MBD6: variants seen among roughly 807,000 people sequenced by gnomAD.
The protein encoded by MBD6 is methyl-CpG-binding domain protein 6.
MBD6 carries 22 observed loss-of-function variants against 66.8 expected under a neutral mutation model. The observed-to-expected ratio is 0.33, with a 90% CI of 0.24 to 0.47. MBD6 has a LOEUF of 0.47. Among genes scored for constraint, MBD6 ranks in the 20% least tolerant of loss-of-function variants. The pLI, the probability that MBD6 is intolerant of heterozygous loss-of-function variation, is 1.00. For missense variants in MBD6, 1,322 were observed against 1,286.9 expected (o/e 1.03, Z -0.42); for synonymous variants, 540 against 534.6 (o/e 1.01, Z -0.14).
Position 57,525,536 on chromosome 12 carries a change from G to C in MBD6, c.568G>C (p.Ala190Pro). Residue 190 changes from alanine to proline, a missense_variant, in exon 6 of 13, where the codon GCT becomes CCT. Coordinates refer to ENST00000355673, the MANE Select transcript of MBD6 (RefSeq NM_052897.4). ...TGGGGGGCTTTTCCCCCCAAGGCTT[G>C]CTGACCCAGTCCCTTCTGGGGGCAG... is the stretch of plus-strand genomic sequence containing the variant. The part of the protein sequence containing the change: ...GPGGLFPPRL[A>P]DPVPSGGSSS... The C allele has an allele frequency of 6.3e-7, 1 of 1,598,084 alleles. No individual in the cohort carries two copies. Among genetic ancestry groups the C allele is most frequent in the Non-Finnish European group, 8.5e-7 (1 of 1,172,332 alleles).
At position 57,526,008 on chromosome 12, in the gene MBD6, G is replaced by T; in HGVS notation, c.1040G>T (p.Arg347Leu). The T allele has an allele frequency of 1.2e-6, 2 of 1,610,546 alleles. No homozygotes were observed. Among genetic ancestry groups the T allele is most frequent in the Non-Finnish European group, 1.7e-6 (2 of 1,179,428 alleles). Reference sequence around the variant, plus strand: ...AGCACTTTACAGGGCCGAAGGCCCCGTGCCCAGGCACCCTCAGCTTCCCAC... The same window carrying T: ...AGCACTTTACAGGGCCGAAGGCCCCTTGCCCAGGCACCCTCAGCTTCCCAC... ...PPSTLQGRRP[R>L]AQAPSASHSS... The change falls in exon 6 of 13, where the codon CGT becomes CTT. Residue 347 changes from arginine (R) to leucine (L), a missense_variant. Transcript: ENST00000355673.
At position 57,529,046 on chromosome 12, in the gene MBD6, G is replaced by A. The variant is rs367618549; in HGVS notation, c.2937+37G>A. On this transcript the variant is annotated intron_variant, in intron 12 of 12. Coordinates refer to ENST00000355673, the MANE Select transcript of MBD6 (RefSeq NM_052897.4). Reference sequence around the variant, plus strand: ...TTTGGGTGGATGGGTGGATGGGTAGGGTGTAAGGGATGAGGCGGCAGGAGG... The same window carrying A: ...TTTGGGTGGATGGGTGGATGGGTAGAGTGTAAGGGATGAGGCGGCAGGAGG... The A allele has an allele frequency of 1.9e-6, 3 of 1,613,784 alleles. No homozygotes were observed. In the African/African-American group the frequency reaches 4.0e-5, roughly 22 times the overall value.
chr12:57,528,203 C>G lies in MBD6; in HGVS notation c.2463C>G (p.Ala821=), dbSNP rs978004724. The G allele has an allele frequency of 2.5e-6, 4 of 1,611,868 alleles. No homozygotes were observed. Among genetic ancestry groups the G allele is most frequent in the Non-Finnish European group, 3.4e-6 (4 of 1,179,346 alleles). ...PCLPPESPAS[A]LEPEPARPPL... is the part of the protein sequence containing the mutation. ...TACCCCCCGAGAGCCCTGCCTCAGC[C>G]CTCGAACCAGAGCCTGCCAGGCCTC... The change falls in exon 10 of 13, where the codon GCC becomes GCG. Residue 821 remains alanine (A), a synonymous_variant. Coordinates refer to ENST00000355673, the MANE Select transcript of MBD6 (RefSeq NM_052897.4).
In MBD6 at chr12:57,526,954, T is replaced by A; in HGVS notation, c.1809T>A (p.Leu603=). Residue 603 remains leucine, a synonymous_variant, in exon 7 of 13, where the codon CTT becomes CTA. Transcript: ENST00000355673. The part of the protein sequence containing the change: ...EGPSLLVASL[L]PPPPSDLLPP... ...CTTCGCTTTTGGTGGCTTCCTTGCT[T>A]CCTCCACCACCCTCAGACCTTCTTC... 1 of 1,613,696 alleles carries A rather than the reference T, an allele frequency of 6.2e-7. No individual in the cohort carries two copies. The highest frequency in any genetic ancestry group is 1.1e-5 in the South Asian group (1 of 91,074).
At position 57,529,342 on chromosome 12, in the gene MBD6, C is replaced by T; in HGVS notation, c.*108C>T. On this transcript the variant is annotated 3_prime_UTR_variant, in exon 13 of 13. Coordinates refer to ENST00000355673, the MANE Select transcript of MBD6 (RefSeq NM_052897.4). ...CTGTGGACAGTGGGTGGGGGCACTA[C>T]TCCCCACTCAGAGCACAAATGCAAC... 9.4e-7 allele frequency: 1 copy of T among 1,063,930 alleles called. No homozygotes were observed. The highest frequency in any genetic ancestry group is 2.0e-5 in the Admixed American group (1 of 49,114). The allele number at this position is 1,063,930 out of a possible 1,614,324, so 65.9% of individuals were successfully genotyped here.
chr12:57,525,268 T>C (rs1003363708), intron 5 of MBD6, 80 bp from the exon 6 acceptor site: 7 of 1,484,996 alleles, frequency 4.7e-6, no homozygotes, highest in African/African-American at 2.8e-5. Context: ...TGGGAACTTG[T>C]GGGAGATGGG....
Position 57,528,315 on chromosome 12 carries a change from C to T in MBD6, c.2575C>T (p.Arg859Trp), listed in dbSNP as rs774714513. 19 of 1,607,384 alleles carry T rather than the reference C, an allele frequency of 1.2e-5. No individual in the cohort carries two copies. Among genetic ancestry groups the T allele is most frequent in the Admixed American group, 1.2e-4 (7 of 59,522 alleles). Residue 859 changes from arginine to tryptophan, a missense_variant, in exon 10 of 13, where the codon CGG becomes TGG. Arg to Trp is a moderately radical substitution (Grantham distance 101). Transcript: ENST00000355673. ...LTGRGSGKRGRRGGGGLRGIN... is the reference protein window; with the variant it reads ...LTGRGSGKRGWRGGGGLRGIN... ...TGGGAGGGGGTCAGGGAAACGGGGC[C>T]GGAGGGGAGGAGGGGGACTTAGGGG...
chr12:57,524,199 C>A, intron 2 of MBD6, 81 bp from the exon 3 acceptor site: 4 of 846,188 alleles, frequency 4.7e-6, no homozygotes, highest in African/African-American at 1.7e-5. Context: ...TCCCCACAAC[C>A]TTTGCCTTCC....
chr12:57,520,767 G>C (rs1431727622), upstream of MBD6: 1 of 275,818 alleles, frequency 3.6e-6, no homozygotes, highest in African/African-American at 2.2e-5. Flanking sequence ...GCGCGCGCGC[G>C]GAGGGGAGTG....
At position 57,528,368 on chromosome 12, in the gene MBD6, G is replaced by A. The variant is rs537877221; in HGVS notation, c.2628G>A (p.Arg876=). ...TTAATGGTGAGGCCAGGCCAGCCCG[G>A]GGCCGAAAGCCTGGCAGCCGGCGGG... ...RGINGEARPA[R]GRKPGSRREP... The change falls in exon 10 of 13, where the codon CGG becomes CGA. Residue 876 remains arginine (R), a synonymous_variant. Transcript: ENST00000355673. 1.2e-6 allele frequency: 2 copies of A among 1,612,592 alleles called. No individual in the cohort carries two copies. Among genetic ancestry groups the A allele is most frequent in the African/African-American group, 1.3e-5 (1 of 75,050 alleles).
rs758467521 is a variant in MBD6 at position 57,525,916 on chromosome 12, C to T, written c.948C>T (p.Pro316=). ...CCACGGTGGAGGGGCCTGGGGCACC[C>T]CCCTTCCTTGCTAGCAGCCTACTCT... The part of the protein sequence containing the change: ...GAPTVEGPGA[P]PFLASSLLSA... Residue 316 remains proline, a synonymous_variant, in exon 6 of 13, where the codon CCC becomes CCT. Transcript: ENST00000355673. 4 of 1,613,098 alleles carry T rather than the reference C, an allele frequency of 2.5e-6. No homozygotes were observed. In the South Asian group the frequency reaches 4.4e-5, roughly 18 times the overall value.
downstream of MBD6, chr12:57,530,823 A>C (rs1037206327): frequency 7.5e-6 from 11 of 1,472,046 alleles, no homozygotes; most frequent in Non-Finnish European, 1.0e-5. Context: ...CCAGTTGCTT[A>C]ACTGGATGAG....
chr12:57,530,177 AG>A (rs1324717741), downstream of MBD6: 2 of 152,568 alleles, frequency 1.3e-5, no homozygotes, highest in African/African-American at 4.8e-5. Context: ...TTTTTTATTT[AG>A]TTCTTTGGTA....
In MBD6 at chr12:57,527,883, C is replaced by T. The variant is rs1371968998; in HGVS notation, c.2272C>T (p.Leu758Phe). The change falls in exon 9 of 13, where the codon CTC becomes TTC. Residue 758 changes from leucine to phenylalanine, a missense_variant. Coordinates refer to ENST00000355673, the MANE Select transcript of MBD6 (RefSeq NM_052897.4). ...TTCACTGACCAGCAGCCCTGGAGCC[C>T]TCCCCAGCCTGTTGCAGCCTCCTGG... The part of the protein sequence containing the change: ...LSSLTSSPGA[L>F]PSLLQPPGPL... The T allele has an allele frequency of 1.2e-6, 2 of 1,613,886 alleles. No individual in the cohort carries two copies. The highest frequency in any genetic ancestry group is 1.7e-5 in the Admixed American group (1 of 60,012).
chr12:57,529,446 CG>C lies in MBD6; in HGVS notation c.*213del, dbSNP rs1378993023. ...CCCCCCCACCACCCCCCCGCCCCCC[CG>C]AAGCCATGTCACTGAAAAGGCCTGG... On this transcript the variant is annotated 3_prime_UTR_variant, in exon 13 of 13. Transcript: ENST00000355673. The C allele has an allele frequency of 9.0e-6, 5 of 554,656 alleles. No individual in the cohort carries two copies. In the East Asian group the frequency reaches 9.0e-5, roughly 10 times the overall value. The allele number at this position is 554,656 out of a possible 1,614,324, so 34.4% of individuals were successfully genotyped here.
rs141854419 is a variant in MBD6, at chr12:57,529,196, C to T, written c.2974C>T (p.Arg992Cys). The T allele has an allele frequency of 2.7e-4, 442 of 1,614,076 alleles. 1 individual carries two copies. Among genetic ancestry groups the T allele is most frequent in the Non-Finnish European group, 9.9e-5 (117 of 1,179,986 alleles). Residue 992 changes from arginine to cysteine, a missense_variant, in exon 13 of 13, where the codon CGT (arginine) becomes TGT (cysteine). Transcript: ENST00000355673. ...TCTGCCTCCCCGGGCCCGCCCTGGC[C>T]GTCCTGCCAAAAACAAGAGGAGGAA... The part of the protein sequence containing the change: ...VPLPPRARPG[R>C]PAKNKRRKLA...
At chr12:57,531,503 C>T (rs914561685), downstream of MBD6, among the ~76,000 whole-genome samples, 4 of 152,060 alleles carry the variant, frequency 2.6e-5, no homozygotes, top group African/African-American at 7.2e-5. Flanking sequence ...GGCAACAGAG[C>T]GAGACTCTGT....
rs1879085928 is a variant in MBD6, at chr12:57,527,500, T to C, written c.2083-7T>C. On this transcript the variant is annotated splice_polypyrimidine_tract_variant and splice_region_variant and intron_variant, in intron 7 of 12. Transcript: ENST00000355673. ...GCGTAAGTGTTAGAATCATTCTTTT[T>C]TCTTAGCCCTGTGTCCTGAGTGCCC... 1.2e-6 allele frequency: 2 copies of C among 1,613,916 alleles called. No individual in the cohort carries two copies. The highest frequency in any genetic ancestry group is 1.7e-5 in the Admixed American group (1 of 60,006).
intron 11 of MBD6, 53 bp downstream of exon 11, chr12:57,528,771 G>C: frequency 6.2e-7 from 1 of 1,611,866 alleles, no homozygotes; most frequent in Non-Finnish European, 8.5e-7. Context: ...TTTTTGGTTT[G>C]GACAGTTCTA....
Sources: allele counts gnomAD v4.1 joint callset (sites outside exome capture counted in the v4.1 genomes callset), GRCh38; gene constraint gnomAD v4.1.1; transcripts MANE v1.5; gene names NCBI Gene and HGNC (gene_info 2026-07-23, HGNC 2026-07-21).